Variants in PRCC observed in about 807,000 individuals in gnomAD.
The protein encoded by PRCC is proline-rich protein PRCC.
PRCC carries 10 observed loss-of-function variants against 44.0 expected under a neutral mutation model. The ratio of observed to expected loss-of-function variants is 0.23; its 90% confidence interval spans 0.14 to 0.39. PRCC has a LOEUF of 0.39. Among genes scored for constraint, PRCC ranks in the 10% least tolerant of loss-of-function variants. The pLI, the probability that PRCC is intolerant of heterozygous loss-of-function variation, is 1.00. For synonymous variants in PRCC, 278 were observed against 259.5 expected (o/e 1.07, Z -0.69); for missense variants, 573 against 624.7 (o/e 0.92, Z 0.88).
At chr1:156,785,412 G>A (rs1418781897) in intron 2 of PRCC, among the ~76,000 whole-genome samples, 1 of 151,918 alleles carries the variant, frequency 6.6e-6, no homozygotes, top group African/African-American at 2.4e-5. Context: ...TACTCGGGAG[G>A]CTGAGGCAGA....
intron 1 of PRCC, among the ~76,000 whole-genome samples, chr1:156,778,783 A>G (rs1366155079): frequency 6.6e-6 from 1 of 150,500 alleles, no homozygotes; most frequent in Non-Finnish European, 1.5e-5. Context: ...GAGTTTCACC[A>G]TATTGCCCAG....
rs749502168 is a variant in PRCC, at chr1:156,768,046, C to T, written c.275C>T (p.Pro92Leu). Residue 92 changes from proline to leucine, a missense_variant, in exon 1 of 7, where the codon CCA becomes CTA. Physicochemically the swap from Pro to Leu is moderately conservative, Grantham distance 98. This residue lies in a region of PRCC where 245 missense variants were observed against 188.5 expected (regional missense o/e 1.30). Coordinates refer to ENST00000271526, the MANE Select transcript of PRCC (RefSeq NM_005973.5). ...CCCTTCGGCCTGGGAGGCTTCCCCC[C>T]ACCTCCAGGCGTGAGCCCGGCTGAA... is the stretch of plus-strand genomic sequence containing the variant. The part of the protein sequence containing the change: ...PLPFGLGGFP[P>L]PPGVSPAEAA... 1.3e-6 allele frequency: 2 copies of T among 1,581,380 alleles called. No individual in the cohort carries two copies. The highest frequency in any genetic ancestry group is 3.6e-5 in the Admixed American group (2 of 56,196).
chr1:156,769,250 C>T (rs1321052741), intron 1 of PRCC, among the ~76,000 whole-genome samples: 1 of 152,256 alleles, frequency 6.6e-6, no homozygotes, highest in Non-Finnish European at 1.5e-5. Flanking sequence ...TCCCTCACCT[C>T]ACTTGGCCTA....
chr1:156,792,081 T>TTTC (rs59205519), intron 4 of PRCC, among the ~76,000 whole-genome samples: 4 of 118,706 alleles, frequency 3.4e-5, no homozygotes, highest in Non-Finnish European at 5.5e-5. Context: ...TTTTTTTTTT[T>TTTC]GGTAGAGACG....
chr1:156,774,323 C>T (rs1345967623), intron 1 of PRCC, among the ~76,000 whole-genome samples: 3 of 150,816 alleles, frequency 2.0e-5, no homozygotes, highest in Admixed American at 6.6e-5. Context: ...TTAAGGCGCC[C>T]GCCACTACAC....
chr1:156,787,214 A>G, intron 3 of PRCC, 40 bp downstream of exon 3: 1 of 1,551,098 alleles, frequency 6.4e-7, no homozygotes, highest in Non-Finnish European at 8.7e-7. Context: ...GGAATGTTGG[A>G]ACATGGTGGT....
At chr1:156,791,624 C>T in intron 3 of PRCC, 73 bp from the exon 4 acceptor site, 2 of 1,389,016 alleles carry the variant, frequency 1.4e-6, no homozygotes, top group South Asian at 2.6e-5. Context: ...TTTTCTGTTT[C>T]TGGACAGACC....
chr1:156,794,106 C>T (rs1402871283), intron 4 of PRCC, among the ~76,000 whole-genome samples: 2 of 151,804 alleles, frequency 1.3e-5, no homozygotes, highest in Non-Finnish European at 2.9e-5. Flanking sequence ...TACAAGTATG[C>T]ACCACCACAC....
intron 3 of PRCC, chr1:156,790,935 CTTGGAG>C: frequency 2.0e-6 from 1 of 487,864 alleles, no homozygotes; most frequent in Non-Finnish European, 4.1e-6. Context: ...AAGGGCATTT[CTTGGAG>C]TTTAAGACGA....
At chr1:156,798,019 C>T (rs575878487) in intron 6 of PRCC, among the ~76,000 whole-genome samples, 1 of 149,166 alleles carries the variant, frequency 6.7e-6, no homozygotes, top group Non-Finnish European at 1.5e-5. Context: ...TCATGGCTTA[C>T]TGCAGCTGCC....
rs774586282 is a variant in PRCC at position 156,768,049 on chromosome 1, C to T, written c.278C>T (p.Pro93Leu). The T allele has an allele frequency of 3.2e-6, 5 of 1,584,668 alleles. No individual in the cohort carries two copies. The East Asian group carries it at 6.8e-5, about 22-fold the overall frequency. Residue 93 changes from proline to leucine, a missense_variant, in exon 1 of 7, where the codon CCT becomes CTT. Coordinates refer to ENST00000271526, the MANE Select transcript of PRCC (RefSeq NM_005973.5). Reference protein sequence around the residue: ...LPFGLGGFPPPPGVSPAEAAG... With the variant: ...LPFGLGGFPPLPGVSPAEAAG... ...TTCGGCCTGGGAGGCTTCCCCCCAC[C>T]TCCAGGCGTGAGCCCGGCTGAAGCG...
intron 5 of PRCC, chr1:156,796,427 T>C (rs1456168801): frequency 2.0e-5 from 3 of 152,244 alleles, no homozygotes. Context: ...ATGATTACAG[T>C]ACAGATTGAT....
chr1:156,788,069 T>C (rs1331988059), intron 3 of PRCC, among the ~76,000 whole-genome samples: 1 of 152,104 alleles, frequency 6.6e-6, no homozygotes, highest in African/African-American at 2.4e-5. Context: ...CTTCTGGCCT[T>C]AAGGGATCTG....
At position 156,768,144 on chromosome 1, in the gene PRCC, C is replaced by G. The variant is rs374655155; in HGVS notation, c.373C>G (p.Pro125Ala). 7 of 1,562,228 alleles carry G rather than the reference C, an allele frequency of 4.5e-6. No individual in the cohort carries two copies. In the African/African-American group the frequency reaches 6.8e-5, roughly 15 times the overall value. The change falls in exon 1 of 7, where the codon CCA becomes GCA. Residue 125 changes from proline (P) to alanine (A), a missense_variant. This residue lies in a region of PRCC where 245 missense variants were observed against 188.5 expected (regional missense o/e 1.30). Transcript: ENST00000271526. Reference sequence around the variant, plus strand: ...AGGCCCTGGCCTCAATCTGCCCCCTCCAATTGGCGGTGCCGGTCCCCCGCT... The same window carrying G: ...AGGCCCTGGCCTCAATCTGCCCCCTGCAATTGGCGGTGCCGGTCCCCCGCT... ...PRGPGLNLPP[P>A]IGGAGPPLGL...
At chr1:156,798,361 A>G (rs1652733059) in intron 6 of PRCC, among the ~76,000 whole-genome samples, 1 of 152,174 alleles carries the variant, frequency 6.6e-6, no homozygotes, top group Non-Finnish European at 1.5e-5. Flanking sequence ...GCTGGAGTGC[A>G]GTGGCACAAT....
Position 156,787,650 on chromosome 1 carries a change from C to CTTTTTTTT in PRCC, c.1083+485_1083+492dup, listed in dbSNP as rs56916626. On this transcript the variant is annotated intron_variant, in intron 3 of 6. Transcript: ENST00000271526. ...AGTACCTGATAGGTAGGTTTTTGGC[C>CTTTTTTTT]TTTTTTTTTTTTTTTTGGAGAAGGA... is the stretch of plus-strand genomic sequence containing the variant. Among the ~76,000 whole-genome samples the CTTTTTTTT allele has an allele frequency of 6.1e-4, 33 of 54,172 alleles. 10 individuals are homozygous for CTTTTTTTT. Among genetic ancestry groups the CTTTTTTTT allele is most frequent in the African/African-American group, 1.3e-3 (14 of 11,032 alleles). The allele number at this position is 54,172 out of a possible 152,430, so 35.5% of individuals were successfully genotyped here. A position where few individuals can be genotyped will look rare whatever the true frequency, so the allele number is the denominator to read the frequency against.
chr1:156,775,648 C>T (rs1297989677), intron 1 of PRCC, among the ~76,000 whole-genome samples: 1 of 151,840 alleles, frequency 6.6e-6, no homozygotes, highest in African/African-American at 2.4e-5. Context: ...GTAGCTGGGA[C>T]TACCGGCACC....
At chr1:156,771,297 T>G (rs1651625229) in intron 1 of PRCC, among the ~76,000 whole-genome samples, 1 of 152,120 alleles carries the variant, frequency 6.6e-6, no homozygotes, top group Admixed American at 6.5e-5. Context: ...TAATGGGCCT[T>G]GGATGCCATG....
At chr1:156,776,902 GAGTT>G (rs1651847916) in intron 1 of PRCC, among the ~76,000 whole-genome samples, 1 of 152,200 alleles carries the variant, frequency 6.6e-6, no homozygotes, top group African/African-American at 2.4e-5. Context: ...GGAGCAATGA[GAGTT>G]AGTTTAGAAC....
Sources: allele counts gnomAD v4.1 joint callset (sites outside exome capture counted in the v4.1 genomes callset), GRCh38; gene constraint gnomAD v4.1.1; regional missense constraint gnomAD v4.1.1; transcripts MANE v1.5; gene names NCBI Gene and HGNC (gene_info 2026-07-23, HGNC 2026-07-21).